ZNF518A: variants seen among roughly 807,000 people sequenced by gnomAD.
ZNF518A encodes the protein zinc finger protein 518.
Under a neutral mutation model 102.7 loss-of-function variants are expected in ZNF518A, and 47 were observed. The observed-to-expected ratio is 0.46, with a 90% CI of 0.36 to 0.58. The LOEUF (loss-of-function observed/expected upper bound fraction) is 0.58. Among genes scored for constraint, ZNF518A ranks in the 20% least tolerant of loss-of-function variants. The probability of loss-of-function intolerance (pLI) is 0.00; values close to 1 mark genes in which losing one functional copy is unlikely to be tolerated. For missense variants in ZNF518A, 1,793 were observed against 1,699.8 expected, an observed-to-expected ratio of 1.05 and a Z score of -0.96; for synonymous variants, 652 against 594.6, an observed-to-expected ratio of 1.10 and a Z score of -1.40.
intron 3 of ZNF518A, among the ~76,000 whole-genome samples, chr10:96,138,946 T>TA (rs2081764725): frequency 6.6e-6 from 1 of 151,558 alleles, no homozygotes; most frequent in Non-Finnish European, 1.5e-5. Context: ...AATTTTTTTT[T>TA]TTTTTTTTTT....
chr10:96,183,005 T>C (rs920205550), intron 1 of ZNF518A, among the ~76,000 whole-genome samples: 34 of 152,314 alleles, frequency 2.2e-4, no homozygotes, highest in African/African-American at 7.5e-4. Context: ...TCAGAGCCTG[T>C]TATTTGTCTA....
chr10:96,136,719 A>G (rs1305337749), intron 3 of ZNF518A, among the ~76,000 whole-genome samples: 2 of 152,106 alleles, frequency 1.3e-5, no homozygotes, highest in Non-Finnish European at 2.9e-5. Context: ...TGCTCATAGA[A>G]CGTTCATTTT....
chr10:96,137,498 T>A (rs1554874961), intron 3 of ZNF518A, among the ~76,000 whole-genome samples: 1 of 152,172 alleles, frequency 6.6e-6, no homozygotes, highest in Non-Finnish European at 1.5e-5. Flanking sequence ...TAATCCATGG[T>A]ACCAGTGATC....
chr10:96,201,017 G>C (rs782358356), intron 1 of ZNF518A: 5 of 1,614,000 alleles, frequency 3.1e-6, no homozygotes, highest in Middle Eastern at 1.6e-4. Context: ...GAAAAGCTGG[G>C]TAGGGGCCCA....
chr10:96,165,470 C>CAAAAAAAAAAAAAAAA (rs35332637), downstream of ZNF518A, among the ~76,000 whole-genome samples: 1 of 112,368 alleles, frequency 8.9e-6, no homozygotes. Flanking sequence ...CAACAACAAC[C>CAAAAAAAAAAAAAAAA]AAAAAAAAAA....
rs74767699 is a variant in ZNF518A, at chr10:96,188,573, G to A, written n.36-15001G>A. 3.4e-3 allele frequency among the ~76,000 whole-genome samples: 513 copies of A among 152,268 alleles called. 4 individuals carry two copies. Among genetic ancestry groups the A allele is most frequent in the Middle Eastern group, 0.01 (3 of 294 alleles). ...ATTCCGTGTAACACTGAGGAAAACT[G>A]AAGCTAGAGAGCTGATGCCACATAC... On this transcript the variant is annotated intron_variant and non_coding_transcript_variant, in intron 1 of 2. Coordinates refer to the ZNF518A transcript ENST00000442635.
At chr10:96,175,865 G>T (rs112611736) in intron 1 of ZNF518A, among the ~76,000 whole-genome samples, 8 of 49,994 alleles carry the variant, frequency 1.6e-4, no homozygotes, top group African/African-American at 4.2e-4. Flanking sequence ...TTCCCTCCCT[G>T]CCTCCCTCCC....
intron 2 of ZNF518A, among the ~76,000 whole-genome samples, 190 bp from the exon 3 acceptor site, chr10:96,133,393 T>C (rs148244295): frequency 8.6e-4 from 131 of 152,318 alleles, no homozygotes; most frequent in Non-Finnish European, 1.7e-3. Flanking sequence ...TATAGTGTTA[T>C]GATTGGTTTC....
intron 1 of ZNF518A, among the ~76,000 whole-genome samples, chr10:96,180,554 C>T (rs1323097380): frequency 6.7e-6 from 1 of 149,332 alleles, no homozygotes; most frequent in East Asian, 2.0e-4. Context: ...TCCAAGTGTT[C>T]TCATTGTTCA....
chr10:96,129,993 G>C (rs370293836), upstream of ZNF518A: 3 of 152,726 alleles, frequency 2.0e-5, no homozygotes, highest in Non-Finnish European at 4.4e-5. Flanking sequence ...CTTGTCTCAG[G>C]TAAAGCGCAG....
At chr10:96,145,850 A>G (rs587690899) in intron 3 of ZNF518A, among the ~76,000 whole-genome samples, 1 of 152,348 alleles carries the variant, frequency 6.6e-6, no homozygotes, top group South Asian at 2.1e-4. Flanking sequence ...AGAGACAAAA[A>G]GATTGCTGTT....
At chr10:96,149,868 G>A (rs1004716855) in intron 3 of ZNF518A, among the ~76,000 whole-genome samples, 3 of 152,072 alleles carry the variant, frequency 2.0e-5, no homozygotes, top group African/African-American at 7.2e-5. Context: ...GAGTACATAT[G>A]TAGTATATTT....
Position 96,187,376 on chromosome 10 carries a change from C to T in ZNF518A, n.36-16198C>T, listed in dbSNP as rs58536989. On this transcript the variant is annotated intron_variant and non_coding_transcript_variant, in intron 1 of 2. Coordinates refer to the ZNF518A transcript ENST00000442635. ...GGCTGAGTTATATGGTGTCTTAAGA[C>T]CATTTTGAAGGAGAGGAATTCAGTC... Among the ~76,000 whole-genome samples, 1,184 of 152,224 alleles carry T rather than the reference C, an allele frequency of 7.8e-3. 14 individuals carry two copies. Among genetic ancestry groups the T allele is most frequent in the African/African-American group, 0.026 (1,065 of 41,506 alleles).
At position 96,159,119 on chromosome 10, in the gene ZNF518A, C is replaced by A. The variant is rs2082863652; in HGVS notation, c.2797C>A (p.Gln933Lys). ...NSEQKKTIIV[Q>K]TSKGFLIPLN... ...AGAACAAAAAAAAACTATAATTGTTCAGACTTCAAAAGGATTCTTAATACC... is the reference window on the plus strand; with the variant it reads ...AGAACAAAAAAAAACTATAATTGTTAAGACTTCAAAAGGATTCTTAATACC... Residue 933 changes from glutamine (Q) to lysine (K), a missense_variant, in exon 6 of 6, where the codon CAG (glutamine) becomes AAG (lysine). Transcript: ENST00000316045. 6.2e-7 allele frequency: 1 copy of A among 1,611,508 alleles called. No homozygotes were observed. The highest frequency in any genetic ancestry group is 1.1e-5 in the South Asian group (1 of 90,460).
chr10:96,198,536 T>C (rs587667500), intron 1 of ZNF518A, among the ~76,000 whole-genome samples: 15 of 152,348 alleles, frequency 9.8e-5, no homozygotes, highest in Middle Eastern at 3.4e-3. Context: ...TCAAATTACA[T>C]AGAAGGGCAA....
intron 3 of ZNF518A, among the ~76,000 whole-genome samples, chr10:96,137,487 C>A (rs1431686667): frequency 2.0e-5 from 3 of 152,178 alleles, no homozygotes; most frequent in Non-Finnish European, 4.4e-5. Context: ...TGAAACTGTT[C>A]TAATCCATGG....
At chr10:96,134,069 C>T (rs950157512) in intron 3 of ZNF518A, among the ~76,000 whole-genome samples, 1 of 152,186 alleles carries the variant, frequency 6.6e-6, no homozygotes, top group Non-Finnish European at 1.5e-5. Flanking sequence ...ATCTAAAATA[C>T]TCCAAAATCT....
intron 1 of ZNF518A, among the ~76,000 whole-genome samples, chr10:96,187,939 A>T (rs953282712): frequency 6.6e-6 from 1 of 152,188 alleles, no homozygotes; most frequent in Non-Finnish European, 1.5e-5. Context: ...TCCGCCTCCC[A>T]GGTTCAAGTG....
chr10:96,182,483 C>T (rs587686630), intron 1 of ZNF518A, among the ~76,000 whole-genome samples: 2 of 152,142 alleles, frequency 1.3e-5, no homozygotes, highest in South Asian at 2.1e-4. Flanking sequence ...ATAAATAGCT[C>T]TTATTATTTT....
Sources: gnomAD v4.1 joint callset for allele counts (sites outside exome capture counted in the v4.1 genomes callset) on GRCh38, gnomAD v4.1.1 for gene constraint, MANE v1.5 for transcripts, NCBI Gene and HGNC (gene_info 2026-07-23, HGNC 2026-07-21) for gene names.